The following RBM6 variants were observed in gnomAD, a reference collection of about 807,000 sequenced individuals.
RBM6 encodes RNA binding motif protein 6.
Under a neutral mutation model 140.4 loss-of-function variants are expected in RBM6, and 23 were observed. The observed-to-expected ratio is 0.16, with a 90% CI of 0.12 to 0.23. The LOEUF (loss-of-function observed/expected upper bound fraction) is 0.23. Among genes scored for constraint, RBM6 ranks in the 10% least tolerant of loss-of-function variants. The pLI, the probability that RBM6 is intolerant of heterozygous loss-of-function variation, is 1.00. For synonymous variants in RBM6, 439 were observed against 475.6 expected (o/e 0.92, Z 1.00); for missense variants, 1,139 against 1,386.7 (o/e 0.82, Z 2.84).
At chr3:50,025,165 C>T (rs962798641) in intron 6 of RBM6, among the ~76,000 whole-genome samples, 1 of 151,774 alleles carries the variant, frequency 6.6e-6, no homozygotes, top group African/African-American at 2.4e-5. Context: ...TGGCTCACGC[C>T]TGTAATCCCA....
rs2084340323 is a variant in RBM6 at position 49,962,767 on chromosome 3, T to C, written c.44+82T>C. On this transcript the variant is annotated intron_variant, in intron 2 of 20. Transcript: ENST00000266022. ...CATTTTCGCCTACTATAAATGAAGA[T>C]ATTTTCTCTGTGGAGAAATAGTTTC... 4 of 1,297,314 alleles carry C rather than the reference T, an allele frequency of 3.1e-6. No individual in the cohort carries two copies. In the South Asian group the frequency reaches 5.6e-5, roughly 18 times the overall value. The allele number at this position is 1,297,314 out of a possible 1,614,324, so 80.4% of individuals were successfully genotyped here. A position where few individuals can be genotyped will look rare whatever the true frequency, so the allele number is the denominator to read the frequency against.
intron 1 of RBM6, among the ~76,000 whole-genome samples, chr3:49,951,264 G>C (rs988313613): frequency 1.3e-5 from 2 of 152,070 alleles, no homozygotes; most frequent in African/African-American, 4.8e-5. Flanking sequence ...CCAGGCTGGA[G>C]TACAGTGGTG....
Position 50,065,061 on chromosome 3 carries a change from C to T in RBM6, c.2617C>T (p.Pro873Ser). Residue 873 changes from proline (P) to serine (S), a missense_variant, in exon 16 of 21, where the codon CCT becomes TCT. Pro to Ser is a moderately conservative substitution (Grantham distance 74, BLOSUM62 -1). Coordinates refer to ENST00000266022, the MANE Select transcript of RBM6 (RefSeq NM_005777.3). ...GGAAAATGCCAGTGAAGGGAAGGCCCCTGCAGAAGACGTCTTTAAGAAGCC... is the reference window on the plus strand; with the variant it reads ...GGAAAATGCCAGTGAAGGGAAGGCCTCTGCAGAAGACGTCTTTAAGAAGCC... ...FQENASEGKA[P>S]AEDVFKKPLP... 1 of 1,613,808 alleles carries T rather than the reference C, an allele frequency of 6.2e-7. No homozygotes were observed. Among genetic ancestry groups the T allele is most frequent in the African/African-American group, 1.3e-5 (1 of 75,024 alleles).
chr3:49,953,549 C>G (rs967671203), intron 1 of RBM6, among the ~76,000 whole-genome samples: 1 of 144,298 alleles, frequency 6.9e-6, no homozygotes, highest in African/African-American at 2.6e-5. Context: ...GAGACCGTCT[C>G]TGTCACCCAG....
At chr3:50,054,096 A>T (rs1283053379) in intron 7 of RBM6, 1 of 443,630 alleles carries the variant, frequency 2.3e-6, no homozygotes, top group Non-Finnish European at 4.0e-6. Context: ...TCCAGGGCAA[A>T]GGCATTTGGG....
At chr3:50,027,661 G>A (rs1000578010) in intron 6 of RBM6, among the ~76,000 whole-genome samples, 1 of 152,126 alleles carries the variant, frequency 6.6e-6, no homozygotes, top group Non-Finnish European at 1.5e-5. Context: ...CATGTTATAT[G>A]AATCAGTACT....
intron 6 of RBM6, among the ~76,000 whole-genome samples, chr3:50,017,452 G>A (rs2087227379): frequency 6.6e-6 from 1 of 151,904 alleles, no homozygotes; most frequent in Non-Finnish European, 1.5e-5. Context: ...CAGCTATGTG[G>A]GAGGCTGAGG....
At chr3:50,015,242 G>A (rs2087066435) in intron 6 of RBM6, among the ~76,000 whole-genome samples, 1 of 150,860 alleles carries the variant, frequency 6.6e-6, no homozygotes, top group African/African-American at 2.4e-5. Context: ...CAAGTAGCTG[G>A]GACTACAGGT....
At chr3:49,971,964 T>C (rs1325881578) in intron 3 of RBM6, 95 bp from the exon 4 acceptor site, 2 of 888,134 alleles carry the variant, frequency 2.3e-6, no homozygotes, top group African/African-American at 1.7e-5. Flanking sequence ...GACATGTCAT[T>C]ATCATTTTTG....
chr3:50,062,405 G>A (rs993220659), intron 15 of RBM6, among the ~76,000 whole-genome samples: 4 of 151,906 alleles, frequency 2.6e-5, no homozygotes, highest in African/African-American at 4.8e-5. Context: ...TCAGGAGGCT[G>A]AGGCAGGAGA....
intron 6 of RBM6, among the ~76,000 whole-genome samples, chr3:50,032,819 C>T (rs2088259149): frequency 6.6e-6 from 1 of 151,436 alleles, no homozygotes; most frequent in South Asian, 2.1e-4. Context: ...AACCCTGTCT[C>T]TACTAAAAAT....
intron 1 of RBM6, among the ~76,000 whole-genome samples, chr3:49,950,855 CAAAG>C (rs928144600): frequency 5.9e-5 from 9 of 151,602 alleles, no homozygotes; most frequent in Non-Finnish European, 1.3e-4. Flanking sequence ...TAATTGAAAA[CAAAG>C]AAAAAGAAAA....
At chr3:49,978,817 G>A (rs2085173648) in intron 5 of RBM6, among the ~76,000 whole-genome samples, 1 of 152,054 alleles carries the variant, frequency 6.6e-6, no homozygotes, top group Non-Finnish European at 1.5e-5. Flanking sequence ...AGAGATTTTG[G>A]ACCTATATAT....
chr3:49,986,715 T>C (rs1396132071), intron 5 of RBM6, among the ~76,000 whole-genome samples: 1 of 151,850 alleles, frequency 6.6e-6, no homozygotes, highest in Non-Finnish European at 1.5e-5. Context: ...TTTCTCTCTC[T>C]TCTCTTCTCC....
intron 15 of RBM6, among the ~76,000 whole-genome samples, chr3:50,063,895 A>G (rs746338367): frequency 1.3e-5 from 2 of 152,056 alleles, no homozygotes; most frequent in Non-Finnish European, 2.9e-5. Flanking sequence ...GTGAAAATGG[A>G]TGAATTTGCT....
chr3:50,040,370 C>CA (rs1559619596), intron 6 of RBM6, among the ~76,000 whole-genome samples: 6 of 146,408 alleles, frequency 4.1e-5, no homozygotes, highest in Admixed American at 3.5e-4. Flanking sequence ...TGCATGAACC[C>CA]GGGAGGCAGA....
At chr3:49,978,043 CA>C (rs2085137096) in intron 5 of RBM6, among the ~76,000 whole-genome samples, 1 of 152,078 alleles carries the variant, frequency 6.6e-6, no homozygotes, top group Non-Finnish European at 1.5e-5. Context: ...CTCTGTTGCC[CA>C]GGTTGGAGTG....
chr3:50,022,435 A>G (rs1054123777), intron 6 of RBM6, among the ~76,000 whole-genome samples: 6 of 151,560 alleles, frequency 4.0e-5, no homozygotes. Context: ...GGTTCAAGTG[A>G]TTCTCCTGCC....
chr3:49,951,158 CAG>C (rs1307943643), intron 1 of RBM6, among the ~76,000 whole-genome samples: 1 of 152,108 alleles, frequency 6.6e-6, no homozygotes, highest in Non-Finnish European at 1.5e-5. Context: ...ATCATAGAAA[CAG>C]AAAATAGTTG....
Sources: gnomAD v4.1 joint callset for allele counts (sites outside exome capture counted in the v4.1 genomes callset) on GRCh38, gnomAD v4.1.1 for gene constraint, MANE v1.5 for transcripts, NCBI Gene and HGNC (gene_info 2026-07-23, HGNC 2026-07-21) for gene names.